Variants in SH3BGR observed in about 807,000 individuals in gnomAD.
The protein encoded by SH3BGR is SH3 domain binding glutamate rich protein, also known as SH3 domain-binding glutamic acid-rich protein.
SH3BGR carries 29 observed loss-of-function variants against 24.5 expected under a neutral mutation model. The ratio of observed to expected loss-of-function variants is 1.18; its 90% CI spans 0.88 to 1.61. The LOEUF is 1.61. Ranked by LOEUF, SH3BGR falls within the 40% of genes most tolerant of loss-of-function variation. The pLI, the probability that SH3BGR is intolerant of heterozygous loss-of-function variation, is 0.00. For missense variants in SH3BGR, 162 were observed against 205.8 expected (o/e 0.79, Z 1.30); for synonymous variants, 55 against 65.7 (o/e 0.84, Z 0.79).
intron 3 of SH3BGR, among the ~76,000 whole-genome samples, chr21:39,476,669 T>G (rs542462210): frequency 3.6e-4 from 55 of 152,288 alleles, no homozygotes; most frequent in African/African-American, 1.2e-3. Flanking sequence ...AAGCTCAATC[T>G]CTCGTCTTAA....
chr21:39,506,554 G>T (rs553905294), intron 4 of SH3BGR, among the ~76,000 whole-genome samples: 28 of 152,326 alleles, frequency 1.8e-4, no homozygotes, highest in African/African-American at 4.8e-4. Context: ...GGCAGAAGGC[G>T]AAGGAGGAGC....
rs34806393 is a variant in SH3BGR, at chr21:39,510,398, TACACAC to T, written c.436-1263_436-1258del. On this transcript the variant is annotated intron_variant, in intron 5 of 6. Coordinates refer to ENST00000333634, the MANE Select transcript of SH3BGR (RefSeq NM_007341.3). ...CACACACACACACACACACTGTAGC[TACACAC>T]ACACACACACACACACACTGTAGCT... Among the ~76,000 whole-genome samples the T allele has an allele frequency of 5.5e-3, 619 of 111,672 alleles. 11 individuals are homozygous for T. Among genetic ancestry groups the T allele is most frequent in the African/African-American group, 0.02 (552 of 28,054 alleles). The allele number at this position is 111,672 out of a possible 152,430, so 73.3% of individuals were successfully genotyped here.
intron 3 of SH3BGR, among the ~76,000 whole-genome samples, chr21:39,492,466 G>GTGTATATATATATA (rs1404293146): frequency 5.4e-4 from 76 of 139,714 alleles, no homozygotes; most frequent in African/African-American, 2.1e-3. Flanking sequence ...GTGTGTGTGT[G>GTGTATATATATATA]TATATATATA....
At chr21:39,499,025 T>A (rs2078445314) in intron 3 of SH3BGR, among the ~76,000 whole-genome samples, 1 of 152,124 alleles carries the variant, frequency 6.6e-6, no homozygotes, top group South Asian at 2.1e-4. Context: ...GAAGGAGAAG[T>A]GCTGAACGAA....
At chr21:39,512,207 A>C (rs1430039628) in intron 6 of SH3BGR, among the ~76,000 whole-genome samples, 1 of 152,146 alleles carries the variant, frequency 6.6e-6, no homozygotes, top group African/African-American at 2.4e-5. Flanking sequence ...CACATGTACA[A>C]CTTTAGGGGG....
At chr21:39,470,559 G>A (rs567314401) in intron 2 of SH3BGR, among the ~76,000 whole-genome samples, 35 of 152,280 alleles carry the variant, frequency 2.3e-4, no homozygotes, top group African/African-American at 7.9e-4. Context: ...ACCACACCCA[G>A]TCTGTCCCAA....
At chr21:39,495,048 A>AT (rs1666680030) in intron 3 of SH3BGR, among the ~76,000 whole-genome samples, 1 of 151,800 alleles carries the variant, frequency 6.6e-6, no homozygotes, top group African/African-American at 2.4e-5. Flanking sequence ...CACTTGTTTG[A>AT]TTTTTTTAAT....
chr21:39,493,193 A>C (rs1446214235), intron 3 of SH3BGR, among the ~76,000 whole-genome samples: 1 of 152,138 alleles, frequency 6.6e-6, no homozygotes, highest in Non-Finnish European at 1.5e-5. Flanking sequence ...ATCCTTGCCT[A>C]AGTCAATGTC....
chr21:39,512,353 T>C (rs548070275), intron 6 of SH3BGR, among the ~76,000 whole-genome samples: 2 of 152,300 alleles, frequency 1.3e-5, no homozygotes, highest in Admixed American at 6.5e-5. Context: ...TCCGTTTCTA[T>C]TAACCAGAAC....
At chr21:39,488,109 G>A (rs184258368) in intron 3 of SH3BGR, among the ~76,000 whole-genome samples, 7 of 152,268 alleles carry the variant, frequency 4.6e-5, no homozygotes, top group Admixed American at 4.6e-4. Flanking sequence ...ACTGGATCTT[G>A]GGCTAGTAGT....
chr21:39,478,602 G>T (rs17565165), intron 3 of SH3BGR, among the ~76,000 whole-genome samples: 1 of 152,040 alleles, frequency 6.6e-6, no homozygotes, highest in South Asian at 2.1e-4. Context: ...ACTTCTATGC[G>T]GATTCATTTC....
chr21:39,461,939 C>A (rs1380784139), intron 1 of SH3BGR, among the ~76,000 whole-genome samples: 2 of 152,122 alleles, frequency 1.3e-5, no homozygotes, highest in Non-Finnish European at 2.9e-5. Context: ...ACCTCCACCT[C>A]CCAGGCTCAA....
chr21:39,477,779 A>G (rs74431772), intron 3 of SH3BGR, among the ~76,000 whole-genome samples: 8,119 of 152,246 alleles, frequency 0.053, 441 homozygotes, highest in African/African-American at 0.14. Flanking sequence ...TTACTGTGCT[A>G]TGAGGAGGGA....
At chr21:39,472,210 T>C (rs1290151861) in intron 2 of SH3BGR, among the ~76,000 whole-genome samples, 1 of 152,328 alleles carries the variant, frequency 6.6e-6, no homozygotes, top group East Asian at 1.9e-4. Flanking sequence ...AGAAGTTTAT[T>C]TGGCTCATAG....
chr21:39,462,990 C>T (rs190841262), intron 2 of SH3BGR, among the ~76,000 whole-genome samples: 2 of 152,226 alleles, frequency 1.3e-5, no homozygotes, highest in Non-Finnish European at 1.5e-5. Context: ...CTCAAGCGAT[C>T]CTCTCACTTC....
At chr21:39,468,633 C>T (rs1330079270) in intron 2 of SH3BGR, among the ~76,000 whole-genome samples, 1 of 152,186 alleles carries the variant, frequency 6.6e-6, no homozygotes, top group Non-Finnish European at 1.5e-5. Flanking sequence ...GAGATGGCAT[C>T]TCCCTATGCT....
At chr21:39,463,389 G>T (rs536258567) in intron 2 of SH3BGR, among the ~76,000 whole-genome samples, 1 of 152,092 alleles carries the variant, frequency 6.6e-6, no homozygotes, top group Non-Finnish European at 1.5e-5. Context: ...AAATCAAGTC[G>T]TTGGAAAGAA....
intron 5 of SH3BGR, among the ~76,000 whole-genome samples, chr21:39,510,365 T>TACGCGC (rs1555915353): frequency 3.9e-4 from 45 of 115,852 alleles, no homozygotes; most frequent in African/African-American, 1.4e-3. Flanking sequence ...TGTAGCTACA[T>TACGCGC]ACACACACAC....
chr21:39,454,749 C>A (rs550315180), intron 1 of SH3BGR, among the ~76,000 whole-genome samples: 1 of 152,300 alleles, frequency 6.6e-6, no homozygotes, highest in East Asian at 1.9e-4. Context: ...GAGTGTCATT[C>A]TTGGAAAATT....
Sources: gnomAD v4.1 joint callset for allele counts (sites outside exome capture counted in the v4.1 genomes callset) on GRCh38, gnomAD v4.1.1 for gene constraint, MANE v1.5 for transcripts, NCBI Gene and HGNC (gene_info 2026-07-23, HGNC 2026-07-21) for gene names.